The following TBC1D4 variants were observed in gnomAD, a reference collection of about 807,000 sequenced individuals.
The protein encoded by TBC1D4 is TBC1 domain family member 4, also known as TBC (Tre-2, BUB2, CDC16) domain-containing protein.
TBC1D4 carries 121 observed loss-of-function variants against 142.5 expected under a neutral mutation model. The observed-to-expected ratio is 0.85, with a 90% CI of 0.73 to 0.99. The LOEUF is 0.99. Ranked by LOEUF, TBC1D4 falls within the 50% of genes least tolerant of loss-of-function variation. The pLI, the probability that TBC1D4 is intolerant of heterozygous loss-of-function variation, is 0.00. For synonymous variants in TBC1D4, 630 were observed against 628.2 expected (o/e 1.00, Z -0.04); for missense variants, 1,475 against 1,606.6 (o/e 0.92, Z 1.40).
intron 5 of TBC1D4, among the ~76,000 whole-genome samples, chr13:75,346,318 C>T (rs1175804501): frequency 6.6e-6 from 1 of 152,014 alleles, no homozygotes; most frequent in Non-Finnish European, 1.5e-5. Flanking sequence ...CTTGACAGGC[C>T]CCCGGCATGT....
At chr13:75,451,009 TTTCAAGCGTCC>T in intron 1 of TBC1D4, among the ~76,000 whole-genome samples, 1 of 152,324 alleles carries the variant, frequency 6.6e-6, no homozygotes, top group East Asian at 1.9e-4. Context: ...GCCAAATTCT[TTTCAAGCGTCC>T]TTCTATTTCC....
chr13:75,305,374 AC>A, intron 15 of TBC1D4, among the ~76,000 whole-genome samples: 1 of 152,322 alleles, frequency 6.6e-6, no homozygotes, highest in South Asian at 2.1e-4. Context: ...GAAGATAAGC[AC>A]TCCTAAAATA....
intron 1 of TBC1D4, among the ~76,000 whole-genome samples, chr13:75,413,703 T>G (rs560086167): frequency 6.6e-6 from 1 of 152,290 alleles, no homozygotes; most frequent in African/African-American, 2.4e-5. Flanking sequence ...TTTCTGTCAC[T>G]AAGCATCACG....
Position 75,405,519 on chromosome 13 carries a change from G to A in TBC1D4, c.499-42912C>T, listed in dbSNP as rs140058005. Among the ~76,000 whole-genome samples, 551 of 152,172 alleles carry A rather than the reference G, an allele frequency of 3.6e-3. 1 individual carries two copies. Among genetic ancestry groups the A allele is most frequent in the African/African-American group, 0.012 (485 of 41,536 alleles). On this transcript the variant is annotated intron_variant, in intron 1 of 20. Transcript: ENST00000377636. The stretch of plus-strand genomic sequence containing the variant: ...ACTCCTGAGTTCAGGCAATATGCCC[G>A]CCTTGGCCTCCCAAAGTGCTAAGAT...
In TBC1D4 at chr13:75,481,926, G is replaced by C; in HGVS notation, c.-159C>G. On this transcript the variant is annotated 5_prime_UTR_variant, in exon 1 of 21. Coordinates refer to ENST00000377636, the MANE Select transcript of TBC1D4 (RefSeq NM_014832.5). ...CCGAACTCCGCGCTTCAGCAGCCCT[G>C]CCCCATGCAGCACTTCCACGGGCGC... 9.4e-7 allele frequency: 1 copy of C among 1,062,270 alleles called. No individual in the cohort carries two copies. Among genetic ancestry groups the C allele is most frequent in the Non-Finnish European group, 1.2e-6 (1 of 817,300 alleles). 65.8% of individuals were successfully genotyped at this position (1,062,270 alleles called of 1,614,324 possible). A position where few individuals can be genotyped will look rare whatever the true frequency, so the allele number is the denominator to read the frequency against.
intron 8 of TBC1D4, among the ~76,000 whole-genome samples, chr13:75,336,596 C>G (rs1160521993): frequency 6.6e-6 from 1 of 150,968 alleles, no homozygotes; most frequent in Non-Finnish European, 1.5e-5. Context: ...TAATCTCTGC[C>G]TTACTCAAGA....
At chr13:75,459,238 A>C (rs775679388) in intron 1 of TBC1D4, among the ~76,000 whole-genome samples, 2 of 152,082 alleles carry the variant, frequency 1.3e-5, no homozygotes, top group Non-Finnish European at 2.9e-5. Flanking sequence ...TTTGTTCTCA[A>C]CTGCTCTTCA....
In TBC1D4 at chr13:75,472,288, A is replaced by G. The variant is rs1417442496; in HGVS notation, c.498+8982T>C. Among the ~76,000 whole-genome samples the G allele has an allele frequency of 7.1e-5, 10 of 140,184 alleles. No homozygotes were observed. The East Asian group carries it at 8.9e-4, about 13-fold the overall frequency. The allele number at this position is 140,184 out of a possible 152,430, so 92.0% of individuals were successfully genotyped here. ...ACAAAAATTAGCTGGGTGTGCTGGC[A>G]GGCGCCTGTAGTCCCAGCTACTCAG... is the stretch of plus-strand genomic sequence containing the variant. On this transcript the variant is annotated intron_variant, in intron 1 of 20. Transcript: ENST00000377636.
intron 3 of TBC1D4, 78 bp from the exon 4 acceptor site, chr13:75,356,329 AGTTCTTT>A: frequency 9.9e-7 from 1 of 1,009,520 alleles, no homozygotes; most frequent in Non-Finnish European, 1.5e-6. Flanking sequence ...AAGCAACATC[AGTTCTTT>A]GCTTTCACAG....
At chr13:75,361,343 C>T (rs1393762068) in intron 2 of TBC1D4, among the ~76,000 whole-genome samples, 1 of 152,118 alleles carries the variant, frequency 6.6e-6, no homozygotes, top group Admixed American at 6.5e-5. Context: ...CCAAATCGCA[C>T]TCTCTCAGAT....
chr13:75,336,995 T>C lies in TBC1D4; in HGVS notation c.1657A>G (p.Arg553Gly), dbSNP rs1347640765. 1.2e-6 allele frequency: 2 copies of C among 1,613,338 alleles called. No homozygotes were observed. The highest frequency in any genetic ancestry group is 1.3e-5 in the African/African-American group (1 of 75,020). The change falls in exon 8 of 21, where the codon AGG becomes GGG. Residue 553 changes from arginine to glycine, a missense_variant. Transcript: ENST00000377636. The stretch of plus-strand genomic sequence containing the variant: ...TTTTTCAGAATGTCAAGTTTGAACC[T>C]TCCACTGCTTGTTGCATTTTCTGGG... ...TIPENATSSG[R>G]FKLDILKNKA...
intron 1 of TBC1D4, among the ~76,000 whole-genome samples, chr13:75,369,622 T>C (rs1883115886): frequency 6.6e-6 from 1 of 152,178 alleles, no homozygotes; most frequent in South Asian, 2.1e-4. Flanking sequence ...AAAGCCTGGG[T>C]CCAGTATCTA....
At chr13:75,392,824 A>G (rs1884561420) in intron 1 of TBC1D4, among the ~76,000 whole-genome samples, 1 of 152,008 alleles carries the variant, frequency 6.6e-6, no homozygotes, top group Admixed American at 6.6e-5. Flanking sequence ...TTGTTTTTGT[A>G]GAGATAGGGT....
rs17064211 is a variant in TBC1D4 at position 75,342,792 on chromosome 13, T to G, written c.1409-1205A>C. On this transcript the variant is annotated intron_variant, in intron 5 of 20. Coordinates refer to ENST00000377636, the MANE Select transcript of TBC1D4 (RefSeq NM_014832.5). ...TTACAGTTAGGTTCCACTTAGAGTATTGCTACTATATTTTGATTATGAAGA... is the reference window on the plus strand; with the variant it reads ...TTACAGTTAGGTTCCACTTAGAGTAGTGCTACTATATTTTGATTATGAAGA... Among the ~76,000 whole-genome samples the G allele has an allele frequency of 4.1e-3, 623 of 152,044 alleles. 10 individuals carry two copies. In the South Asian group the frequency reaches 0.054, roughly 13 times the overall value.
chr13:75,362,500 G>A lies in TBC1D4; in HGVS notation c.606C>T (p.Phe202=), dbSNP rs17254379. 191,629 of 1,614,148 alleles carry A rather than the reference G, an allele frequency of 0.12. 12,743 individuals carry two copies. The highest frequency in any genetic ancestry group is 0.14 in the Non-Finnish European group (163,740 of 1,180,026). ...NEDAFYNSQK[F]EVLYCGKVTV... is the part of the protein sequence containing the mutation. The stretch of plus-strand genomic sequence containing the variant: ...TCACCTTTCCACAGTACAGGACTTC[G>A]AACTTCTGAGAGTTGTAAAAGGCGT... Residue 202 remains phenylalanine, a synonymous_variant, in exon 2 of 21, where the codon TTC becomes TTT. Coordinates refer to ENST00000377636, the MANE Select transcript of TBC1D4 (RefSeq NM_014832.5). The surrounding 1 kb of genome is among the most constrained non-coding windows in gnomAD (Gnocchi z 4.2).
At chr13:75,417,493 A>G (rs1233682359) in intron 1 of TBC1D4, among the ~76,000 whole-genome samples, 1 of 151,922 alleles carries the variant, frequency 6.6e-6, no homozygotes, top group African/African-American at 2.4e-5. Flanking sequence ...AAGAGTCATA[A>G]AAATGAAAAA....
At chr13:75,346,351 T>C (rs1483332177) in intron 5 of TBC1D4, among the ~76,000 whole-genome samples, 1 of 152,010 alleles carries the variant, frequency 6.6e-6, no homozygotes, top group South Asian at 2.1e-4. Context: ...CCTGTGTCTA[T>C]GTGTTCTCAT....
intron 1 of TBC1D4, among the ~76,000 whole-genome samples, chr13:75,384,957 CATAAAAACATGACTA>C (rs1157707106): frequency 1.3e-5 from 2 of 152,102 alleles, no homozygotes; most frequent in Non-Finnish European, 2.9e-5. Flanking sequence ...ATGTGAAGAA[CATAAAAACATGACTA>C]ATAAATCTTC....
At chr13:75,396,425 T>A (rs748282482) in intron 1 of TBC1D4, among the ~76,000 whole-genome samples, 24 of 152,180 alleles carry the variant, frequency 1.6e-4, no homozygotes, top group Non-Finnish European at 2.6e-4. Context: ...TTTTAAGTAA[T>A]CCAACTTTAT....
Sources: allele counts gnomAD v4.1 joint callset (sites outside exome capture counted in the v4.1 genomes callset), GRCh38; gene constraint gnomAD v4.1.1; non-coding constraint Gnocchi (gnomAD v3.1); transcripts MANE v1.5; gene names NCBI Gene and HGNC (gene_info 2026-07-23, HGNC 2026-07-21).